TRDN: variants seen among roughly 807,000 people sequenced by gnomAD.
The protein encoded by TRDN is triadin in skeletal muscle.
Under a neutral mutation model 149.7 loss-of-function variants are expected in TRDN, and 161 were observed. The observed-to-expected ratio is 1.08, with a 90% confidence interval of 0.95 to 1.23. The LOEUF is 1.23. Ranked by LOEUF, TRDN falls within the 50% of genes most tolerant of loss-of-function variation. The probability of loss-of-function intolerance (pLI) is 0.00; values close to 1 mark genes in which losing one functional copy is unlikely to be tolerated. For missense variants in TRDN, 896 were observed against 823.5 expected (o/e 1.09, Z -1.08); for synonymous variants, 294 against 250.5 (o/e 1.17, Z -1.64).
chr6:123,519,473 G>GTTTTTTTTTTTTTTTTTTTTTTTTTTTT (rs762378636), intron 5 of TRDN, among the ~76,000 whole-genome samples: 1 of 73,930 alleles, frequency 1.4e-5, no homozygotes, highest in African/African-American at 3.6e-5. Flanking sequence ...TGACCCTGTG[G>GTTTTTTTTTTTTTTTTTTTTTTTTTTTT]TTTTTTTTTT....
At chr6:123,556,801 C>G (rs1781688493) in intron 2 of TRDN, among the ~76,000 whole-genome samples, 1 of 152,104 alleles carries the variant, frequency 6.6e-6, no homozygotes, top group Non-Finnish European at 1.5e-5. Flanking sequence ...TGTCTACGCC[C>G]TCACAAAATT....
At chr6:123,409,625 C>T (rs1281939644) in intron 12 of TRDN, among the ~76,000 whole-genome samples, 3 of 152,036 alleles carry the variant, frequency 2.0e-5, no homozygotes, top group Non-Finnish European at 4.4e-5. Flanking sequence ...TAATTTTGAA[C>T]ACAAGCATGA....
chr6:123,332,314 C>CAA (rs5879672), intron 22 of TRDN, among the ~76,000 whole-genome samples: 1 of 151,850 alleles, frequency 6.6e-6, no homozygotes, highest in African/African-American at 2.4e-5. Flanking sequence ...CACATTTTGT[C>CAA]AAAAAATAAA....
At chr6:123,358,117 A>G (rs1442332966) in intron 20 of TRDN, among the ~76,000 whole-genome samples, 2 of 152,154 alleles carry the variant, frequency 1.3e-5, no homozygotes, top group African/African-American at 2.4e-5. Context: ...ATACCACAAG[A>G]TATCTGGAAT....
chr6:123,618,685 A>T (rs922009382), intron 1 of TRDN, among the ~76,000 whole-genome samples: 2 of 152,206 alleles, frequency 1.3e-5, no homozygotes, highest in African/African-American at 4.8e-5. Context: ...CTGCTCAGTG[A>T]AATTAAGTAT....
intron 24 of TRDN, among the ~76,000 whole-genome samples, chr6:123,301,857 C>T (rs1273120754): frequency 6.8e-6 from 1 of 146,124 alleles, no homozygotes; most frequent in Admixed American, 7.0e-5. Context: ...GATTCAACTG[C>T]CAACTCATAA....
In TRDN at chr6:123,529,896, GAA is replaced by G. The variant is rs1229387539; in HGVS notation, c.484+608_484+609del. On this transcript the variant is annotated intron_variant, in intron 5 of 40. Coordinates refer to ENST00000334268, the MANE Select transcript of TRDN (RefSeq NM_006073.4). Reference sequence around the variant, plus strand: ...TTTATGACTATCTCTGTCACCCACAGAAAAGTTATTCTTATAAGATAAGCAAG... The same window carrying G: ...TTTATGACTATCTCTGTCACCCACAGAAGTTATTCTTATAAGATAAGCAAG... Among the ~76,000 whole-genome samples the G allele has an allele frequency of 1.4e-4, 21 of 151,962 alleles. 1 individual carries two copies. The highest frequency in any genetic ancestry group is 1.2e-3 in the Admixed American group (18 of 15,200).
chr6:123,235,591 A>G (rs775534307), intron 38 of TRDN, among the ~76,000 whole-genome samples: 2 of 152,174 alleles, frequency 1.3e-5, no homozygotes, highest in Non-Finnish European at 2.9e-5. Context: ...CACACAGTAA[A>G]TTGAGTTTTT....
chr6:123,338,453 A>G lies in TRDN; in HGVS notation c.1370-784T>C, dbSNP rs1364179924. 3.3e-5 allele frequency among the ~76,000 whole-genome samples: 5 copies of G among 152,274 alleles called. No homozygotes were observed. In the East Asian group the frequency reaches 9.7e-4, roughly 29 times the overall value. Reference sequence around the variant, plus strand: ...AATCTAGTGACACCTGCTTTGGGAAATGCAGCTGCCATGTGAGTAATCTAA... The same window carrying G: ...AATCTAGTGACACCTGCTTTGGGAAGTGCAGCTGCCATGTGAGTAATCTAA... On this transcript the variant is annotated intron_variant, in intron 21 of 40. Coordinates refer to ENST00000334268, the MANE Select transcript of TRDN (RefSeq NM_006073.4).
Position 123,434,006 on chromosome 6 carries a change from T to C in TRDN, c.1051+4057A>G, listed in dbSNP as rs76123581. ...AGAGAAAGAATATCCATGCTTCTTT[T>C]ATCTACAGTGAAGGTGAAGAGCAAC... On this transcript the variant is annotated intron_variant, in intron 12 of 40. Transcript: ENST00000334268. The C allele has an allele frequency of 4.8e-3, 729 of 152,312 alleles. 10 individuals carry two copies. The highest frequency in any genetic ancestry group is 0.017 in the African/African-American group (691 of 41,568). 9.4% of individuals were successfully genotyped at this position (152,312 alleles called of 1,614,324 possible). A position where few individuals can be genotyped will look rare whatever the true frequency, so the allele number is the denominator to read the frequency against.
intron 21 of TRDN, among the ~76,000 whole-genome samples, chr6:123,340,123 G>A (rs1485724001): frequency 1.3e-5 from 2 of 152,038 alleles, no homozygotes; most frequent in Non-Finnish European, 2.9e-5. Flanking sequence ...AGGTATATAT[G>A]GCAATAGTGT....
chr6:123,497,285 A>G (rs372857731), intron 8 of TRDN, 33 bp from the exon 9 acceptor site: 2 of 1,422,246 alleles, frequency 1.4e-6, no homozygotes, highest in Non-Finnish European at 1.9e-6. Flanking sequence ...AGCAATGAAA[A>G]AATGTCATCA....
At chr6:123,319,072 A>G (rs982922738) in intron 23 of TRDN, among the ~76,000 whole-genome samples, 2 of 152,144 alleles carry the variant, frequency 1.3e-5, no homozygotes, top group East Asian at 1.9e-4. Context: ...GGCATTACTT[A>G]AAACCTCAAG....
chr6:123,464,749 A>C, intron 10 of TRDN, 157 bp downstream of exon 10: 7 of 1,386,440 alleles, frequency 5.0e-6, no homozygotes, highest in Non-Finnish European at 2.8e-6. Flanking sequence ...AAAAGAAGCA[A>C]ATTGCAATTT....
chr6:123,593,702 A>G (rs1262714552), intron 1 of TRDN, among the ~76,000 whole-genome samples: 3 of 152,148 alleles, frequency 2.0e-5, no homozygotes, highest in Admixed American at 1.3e-4. Context: ...TCACACCTTA[A>G]TGACCTAATT....
At chr6:123,401,389 C>T (rs1772965213) in intron 12 of TRDN, among the ~76,000 whole-genome samples, 1 of 152,094 alleles carries the variant, frequency 6.6e-6, no homozygotes, top group Non-Finnish European at 1.5e-5. Context: ...TCAGATTAAA[C>T]AGGGGGTTAG....
Position 123,511,276 on chromosome 6 carries a change from A to C in TRDN, c.610+1027T>G, listed in dbSNP as rs117196579. Among the ~76,000 whole-genome samples, 745 of 152,234 alleles carry C rather than the reference A, an allele frequency of 4.9e-3. 5 individuals carry two copies. Among genetic ancestry groups the C allele is most frequent in the East Asian group, 0.044 (227 of 5,174 alleles). On this transcript the variant is annotated intron_variant, in intron 7 of 40. Coordinates refer to ENST00000334268, the MANE Select transcript of TRDN (RefSeq NM_006073.4). The stretch of plus-strand genomic sequence containing the variant: ...TTATTGGTGCTCAGTAGCAAAATAG[A>C]ATGACTATAGTTAACAATAATTTAT...
intron 24 of TRDN, among the ~76,000 whole-genome samples, chr6:123,293,396 C>T (rs887520486): frequency 6.6e-6 from 1 of 152,118 alleles, no homozygotes; most frequent in Non-Finnish European, 1.5e-5. Context: ...GTTAATGACA[C>T]AACAGCAGAA....
At chr6:123,453,310 T>C (rs1160858294) in intron 10 of TRDN, among the ~76,000 whole-genome samples, 6 of 151,552 alleles carry the variant, frequency 4.0e-5, no homozygotes, top group Admixed American at 3.3e-4. Context: ...GTTGGCAGAG[T>C]AAACAGACAA....
Sources: allele counts gnomAD v4.1 joint callset (sites outside exome capture counted in the v4.1 genomes callset), GRCh38; gene constraint gnomAD v4.1.1; transcripts MANE v1.5; gene names NCBI Gene and HGNC (gene_info 2026-07-23, HGNC 2026-07-21).